The following PIK3R6 variants were observed in gnomAD, a reference collection of about 807,000 sequenced individuals.
The protein encoded by PIK3R6 is phosphoinositide 3-kinase regulatory subunit 6.
A neutral mutation model predicts 84.9 loss-of-function variants in PIK3R6; 91 were observed. That is an observed-to-expected ratio of 1.07 (90% CI 0.90 to 1.28). The LOEUF is 1.28. PIK3R6 is among the 50% of genes most tolerant of loss of function. The pLI is 0.00. For missense variants in PIK3R6, 996 were observed against 985.1 expected (o/e 1.01, Z -0.15); for synonymous variants, 416 against 411.4 (o/e 1.01, Z -0.13).
chr17:8,845,110 T>C (rs1014023128), intron 2 of PIK3R6, among the ~76,000 whole-genome samples: 2 of 152,234 alleles, frequency 1.3e-5, no homozygotes, highest in African/African-American at 2.4e-5. Flanking sequence ...TTTTTGCTTT[T>C]GTGAATAGTG....
chr17:8,821,813 C>T, intron 17 of PIK3R6, 33 bp downstream of exon 17: 1 of 1,552,308 alleles, frequency 6.4e-7, no homozygotes. Context: ...CATCTCTTCT[C>T]TCTTTCTTTG....
intron 9 of PIK3R6, among the ~76,000 whole-genome samples, chr17:8,832,367 C>G (rs890958040): frequency 1.4e-5 from 2 of 148,078 alleles, no homozygotes; most frequent in Admixed American, 6.8e-5. Flanking sequence ...GACCAAATTA[C>G]CCACCTTCTT....
Position 8,837,878 on chromosome 17 carries a change from A to C in PIK3R6, c.190-7T>G. On this transcript the variant is annotated splice_region_variant and splice_polypyrimidine_tract_variant and intron_variant, in intron 4 of 19. Coordinates refer to ENST00000619866, the MANE Select transcript of PIK3R6 (RefSeq NM_001010855.4). ...GGAGGTCCTGGCTTTCCGCCTGGAA[A>C]ACAGGAGATCACGTGACAGGTATTG... is the stretch of plus-strand genomic sequence containing the variant. 6.2e-7 allele frequency: 1 copy of C among 1,612,684 alleles called. No homozygotes were observed. The highest frequency in any genetic ancestry group is 8.5e-7 in the Non-Finnish European group (1 of 1,178,668).
chr17:8,803,476 G>A lies in PIK3R6; in HGVS notation c.2109-47C>T. ...CTCAGGTGACCCATCTGAGGGATCA[G>A]ATTGCCTAGGGCATTTGAAAGGCAG... On this transcript the variant is annotated intron_variant, in intron 19 of 19. Coordinates refer to ENST00000619866, the MANE Select transcript of PIK3R6 (RefSeq NM_001010855.4). This position sits in a 1 kb window ranked among gnomAD's most constrained non-coding sequence, Gnocchi z 5.0. The A allele has an allele frequency of 6.5e-7, 1 of 1,545,540 alleles. No individual in the cohort carries two copies. Among genetic ancestry groups the A allele is most frequent in the Non-Finnish European group, 8.7e-7 (1 of 1,143,834 alleles).
intron 9 of PIK3R6, among the ~76,000 whole-genome samples, chr17:8,831,800 TTGAA>T (rs1434794954): frequency 1.3e-5 from 2 of 152,126 alleles, no homozygotes; most frequent in Non-Finnish European, 2.9e-5. Flanking sequence ...CCATGATACT[TTGAA>T]TGACCACGAA....
At chr17:8,823,805 G>A (rs895888264) in intron 13 of PIK3R6, among the ~76,000 whole-genome samples, 9 of 152,194 alleles carry the variant, frequency 5.9e-5, no homozygotes, top group African/African-American at 2.2e-4. Context: ...TGAATCTAAT[G>A]AGAGACCCAG....
chr17:8,804,778 C>T (rs1255007863), intron 18 of PIK3R6, among the ~76,000 whole-genome samples: 1 of 152,168 alleles, frequency 6.6e-6, no homozygotes, highest in African/African-American at 2.4e-5. Context: ...TGTGGTTCAT[C>T]CCACACACAG....
intron 18 of PIK3R6, among the ~76,000 whole-genome samples, chr17:8,814,215 CTTTTTTTTT>C (rs112750429): frequency 0.038 from 3,239 of 85,686 alleles, 167 homozygotes; most frequent in African/African-American, 0.14. Flanking sequence ...AGAGAGAGAT[CTTTTTTTTT>C]TTTTTTTTTT....
chr17:8,864,742 T>C (rs974379422), intron 1 of PIK3R6, among the ~76,000 whole-genome samples: 6 of 151,980 alleles, frequency 3.9e-5, no homozygotes, highest in Non-Finnish European at 7.4e-5. Context: ...TTTCACCGTG[T>C]TGGCCAGGAT....
chr17:8,838,195 C>T lies in PIK3R6; in HGVS notation c.190-324G>A, dbSNP rs971757529. 2.8e-5 allele frequency: 13 copies of T among 456,188 alleles called. 1 individual carries two copies. The highest frequency in any genetic ancestry group is 1.5e-4 in the South Asian group (6 of 39,708). 28.3% of individuals were successfully genotyped at this position (456,188 alleles called of 1,614,324 possible). On this transcript the variant is annotated intron_variant, in intron 4 of 19. Transcript: ENST00000619866. ...TCCCTTGAGTGCAGTGTTTCCCAAA[C>T]GGTTGCAAAGTACAACATTGGGTAG...
chr17:8,812,912 T>A (rs9892249), intron 18 of PIK3R6, among the ~76,000 whole-genome samples: 2,447 of 151,054 alleles, frequency 0.016, 40 homozygotes, highest in African/African-American at 0.042. Flanking sequence ...CAGAACTAAA[T>A]GGAATTGGGA....
chr17:8,835,443 C>G lies in PIK3R6; in HGVS notation c.475G>C (p.Val159Leu). The change falls in exon 8 of 20, where the codon GTG (valine) becomes CTG (leucine). Residue 159 changes from valine (V) to leucine (L), a missense_variant. Transcript: ENST00000619866. The part of the protein sequence containing the change: ...YPYQERVFLF[V>L]DPELVSASVC... ...GACGCAGACACCAGCTCAGGATCCA[C>G]GAAGAGGAACACTCTGAGGGCAGAA... 3 of 1,563,834 alleles carry G rather than the reference C, an allele frequency of 1.9e-6. No homozygotes were observed. The highest frequency in any genetic ancestry group is 2.6e-6 in the Non-Finnish European group (3 of 1,145,230).
rs940713527 is a variant in PIK3R6, at chr17:8,865,352, G to A, written c.-92+2177C>T. 2.6e-5 allele frequency among the ~76,000 whole-genome samples: 4 copies of A among 152,130 alleles called. No homozygotes were observed. In the South Asian group the frequency reaches 6.2e-4, roughly 24 times the overall value. ...CCTATACCTGCAGGAATAAAGCCTG[G>A]GCAGAAAAGATGTGGAGCTTCCAGG... On this transcript the variant is annotated intron_variant, in intron 1 of 19. Coordinates refer to ENST00000619866, the MANE Select transcript of PIK3R6 (RefSeq NM_001010855.4).
chr17:8,833,183 CG>C, intron 8 of PIK3R6, 138 bp from the exon 9 acceptor site: 1 of 1,270,256 alleles, frequency 7.9e-7, no homozygotes, highest in Non-Finnish European at 1.1e-6. Flanking sequence ...GAGCTTCCCC[CG>C]AAGGCTTCTG....
chr17:8,832,882 C>T lies in PIK3R6; in HGVS notation c.802+7G>A, dbSNP rs1309040196. 4 of 1,612,454 alleles carry T rather than the reference C, an allele frequency of 2.5e-6. No homozygotes were observed. The highest frequency in any genetic ancestry group is 3.4e-6 in the Non-Finnish European group (4 of 1,179,692). ...TTGCCAAGGCCCCCCATCTGCCAGT[C>T]GCTTACCACCGCAGCGCCCCGCCGC... On this transcript the variant is annotated splice_region_variant and intron_variant, in intron 9 of 19. Coordinates refer to ENST00000619866, the MANE Select transcript of PIK3R6 (RefSeq NM_001010855.4).
In PIK3R6 at chr17:8,804,076, G is replaced by C. The variant is rs765637491; in HGVS notation, c.2073C>G (p.Asp691Glu). Residue 691 changes from aspartate to glutamate, a missense_variant, in exon 19 of 20, where the codon GAC becomes GAG. Coordinates refer to ENST00000619866, the MANE Select transcript of PIK3R6 (RefSeq NM_001010855.4). Reference sequence around the variant, plus strand: ...CCCTGAAAGTGCGTTGATCGTCCTTGTCCAGCGACAGTGTCAGCAGCCTCT... The same window carrying C: ...CCCTGAAAGTGCGTTGATCGTCCTTCTCCAGCGACAGTGTCAGCAGCCTCT... ...RDQRLLTLSL[D>E]KDDQRTFRDV... is the part of the protein sequence containing the mutation. 1.9e-5 allele frequency: 30 copies of C among 1,614,038 alleles called. No individual in the cohort carries two copies. In the South Asian group the frequency reaches 3.2e-4, roughly 17 times the overall value.
intron 2 of PIK3R6, among the ~76,000 whole-genome samples, chr17:8,845,040 A>G (rs191126976): frequency 6.6e-6 from 1 of 152,206 alleles, no homozygotes; most frequent in Non-Finnish European, 1.5e-5. Context: ...TCCATGTTGT[A>G]TATGTAACAC....
In PIK3R6 at chr17:8,844,275, G is replaced by A. The variant is rs1021766417; in HGVS notation, c.14-4578C>T. ...GCTGTAGCCACCGTGGACTGGAGAC[G>A]ACAGACTTTTCCCACTACCCAGACT... On this transcript the variant is annotated intron_variant, in intron 2 of 19. Transcript: ENST00000619866. The surrounding 1 kb of genome is among the most constrained non-coding windows in gnomAD (Gnocchi z 4.5). Among the ~76,000 whole-genome samples, 4 of 152,200 alleles carry A rather than the reference G, an allele frequency of 2.6e-5. No individual in the cohort carries two copies. The highest frequency in any genetic ancestry group is 9.7e-5 in the African/African-American group (4 of 41,438).
chr17:8,831,747 G>C (rs866776524), intron 9 of PIK3R6, among the ~76,000 whole-genome samples: 2 of 152,056 alleles, frequency 1.3e-5, no homozygotes, highest in East Asian at 1.9e-4. Context: ...ACAGGTGCAC[G>C]ATCAGTGACT....
Sources: gnomAD v4.1 joint callset for allele counts (sites outside exome capture counted in the v4.1 genomes callset) on GRCh38, gnomAD v4.1.1 for gene constraint, Gnocchi (gnomAD v3.1) non-coding constraint, MANE v1.5 for transcripts, NCBI Gene and HGNC (gene_info 2026-07-23, HGNC 2026-07-21) for gene names.